APOBEC1: variants seen among roughly 807,000 people sequenced by gnomAD.
APOBEC1 encodes apolipoprotein B mRNA editing enzyme catalytic subunit 1.
A neutral mutation model predicts 26.3 loss-of-function variants in APOBEC1; 22 were observed. That is an observed-to-expected ratio of 0.84 (90% CI 0.60 to 1.19). The LOEUF (loss-of-function observed/expected upper bound fraction) is 1.19, where lower values mean the gene tolerates loss of function less well. Among genes scored for constraint, APOBEC1 ranks in the 50% most tolerant of loss-of-function variants. APOBEC1 has a pLI of 0.00. For synonymous variants in APOBEC1, 77 were observed against 95.3 expected (o/e 0.81, Z 1.12); for missense variants, 253 against 289.0 (o/e 0.88, Z 0.90).
intron 2 of APOBEC1, 27 bp downstream of exon 2, chr12:7,654,578 T>C (rs1158590906): frequency 1.2e-6 from 2 of 1,611,542 alleles, no homozygotes; most frequent in African/African-American, 1.3e-5. Flanking sequence ...TCAAATTAAA[T>C]GGGCACTGTG....
chr12:7,652,909 C>T, intron 2 of APOBEC1, 74 bp from the exon 3 acceptor site: 1 of 1,114,180 alleles, frequency 9.0e-7, no homozygotes, highest in Non-Finnish European at 1.1e-6. Context: ...CTGCTCCCCT[C>T]TTCTTTTTTT....
intron 1 of APOBEC1, among the ~76,000 whole-genome samples, chr12:7,655,419 G>T (rs1466046064): frequency 6.6e-6 from 1 of 152,044 alleles, no homozygotes; most frequent in Non-Finnish European, 1.5e-5. Flanking sequence ...GGAGGCTGAG[G>T]CAGGAGAATT....
intron 1 of APOBEC1, among the ~76,000 whole-genome samples, chr12:7,664,333 A>G (rs1863862939): frequency 6.6e-6 from 1 of 152,196 alleles, no homozygotes; most frequent in Non-Finnish European, 1.5e-5. Flanking sequence ...ATGTGTCTAA[A>G]GCACTATTTT....
chr12:7,664,570 C>T (rs11055100), intron 1 of APOBEC1, among the ~76,000 whole-genome samples: 57,565 of 151,796 alleles, frequency 0.38, 12,357 homozygotes, highest in Non-Finnish European at 0.5. Context: ...AAATTCTGTT[C>T]ATCAATAGGA....
At chr12:7,653,489 CTTT>C (rs57508175) in intron 2 of APOBEC1, among the ~76,000 whole-genome samples, 59,033 of 115,880 alleles carry the variant, frequency 0.51, 15,684 homozygotes, top group Middle Eastern at 0.64. Flanking sequence ...TATTCTAACC[CTTT>C]TTTTTTTTTT....
At chr12:7,655,863 G>A (rs181027489) in intron 1 of APOBEC1, among the ~76,000 whole-genome samples, 3 of 152,284 alleles carry the variant, frequency 2.0e-5, no homozygotes, top group Admixed American at 2.0e-4. Context: ...GCACACACCT[G>A]TGGCTACTTG....
At chr12:7,669,085 C>A (rs1201132633), upstream of APOBEC1, among the ~76,000 whole-genome samples, 2 of 152,158 alleles carry the variant, frequency 1.3e-5, no homozygotes, top group Non-Finnish European at 2.9e-5. Context: ...TAGTCCCAGG[C>A]AAATACTGCT....
At chr12:7,652,367 C>A in intron 3 of APOBEC1, 71 bp downstream of exon 3, 1 of 1,412,404 alleles carries the variant, frequency 7.1e-7, no homozygotes, top group African/African-American at 1.4e-5. Flanking sequence ...AACCAATCTT[C>A]TGGCCTAAAA....
At chr12:7,663,686 C>T (rs1380558964) in intron 1 of APOBEC1, among the ~76,000 whole-genome samples, 1 of 152,106 alleles carries the variant, frequency 6.6e-6, no homozygotes, top group Non-Finnish European at 1.5e-5. Context: ...GCTGTGTCTA[C>T]ACTGATCAAT....
chr12:7,660,370 A>C (rs1863793358), intron 1 of APOBEC1, among the ~76,000 whole-genome samples: 1 of 101,246 alleles, frequency 9.9e-6, no homozygotes, highest in African/African-American at 4.1e-5. Flanking sequence ...GAAGGAAGGA[A>C]GGAAGGAAAG....
chr12:7,667,483 C>G (rs1863908520), upstream of APOBEC1, among the ~76,000 whole-genome samples: 1 of 152,106 alleles, frequency 6.6e-6, no homozygotes, highest in Non-Finnish European at 1.5e-5. Context: ...CAACCTGGAG[C>G]CTCCATGAGA....
At chr12:7,669,447 G>T (rs753787719), upstream of APOBEC1, among the ~76,000 whole-genome samples, 3 of 152,252 alleles carry the variant, frequency 2.0e-5, no homozygotes, top group South Asian at 6.2e-4. Flanking sequence ...GAATAAAGCT[G>T]CTGTGAACAT....
upstream of APOBEC1, among the ~76,000 whole-genome samples, chr12:7,669,461 T>C (rs1436240249): frequency 1.3e-5 from 2 of 152,242 alleles, no homozygotes; most frequent in Admixed American, 1.3e-4. Context: ...TGAACATTTG[T>C]ATACAATTCT....
At chr12:7,656,915 G>A (rs894460254) in intron 1 of APOBEC1, among the ~76,000 whole-genome samples, 1 of 152,130 alleles carries the variant, frequency 6.6e-6, no homozygotes, top group African/African-American at 2.4e-5. Context: ...TTTTGAGGAG[G>A]TGAGAGCCTC....
At chr12:7,650,697 G>C (rs868545062) in intron 4 of APOBEC1, among the ~76,000 whole-genome samples, 1 of 152,312 alleles carries the variant, frequency 6.6e-6, no homozygotes, top group Non-Finnish European at 1.5e-5. Flanking sequence ...GCCTTCCAAA[G>C]TGCTTGGATT....
At chr12:7,661,659 A>C (rs1937379937) in intron 1 of APOBEC1, among the ~76,000 whole-genome samples, 1 of 152,198 alleles carries the variant, frequency 6.6e-6, no homozygotes, top group South Asian at 2.1e-4. Context: ...GAACCAGCAA[A>C]AAAGGACCAG....
At chr12:7,662,518 G>A (rs1373362173) in intron 1 of APOBEC1, among the ~76,000 whole-genome samples, 1 of 152,204 alleles carries the variant, frequency 6.6e-6, no homozygotes, top group Admixed American at 6.5e-5. Flanking sequence ...GGGAGGTGGA[G>A]GTTACAGTAA....
intron 1 of APOBEC1, among the ~76,000 whole-genome samples, chr12:7,657,665 G>C (rs748681351): frequency 6.6e-6 from 1 of 152,158 alleles, no homozygotes; most frequent in East Asian, 1.9e-4. Flanking sequence ...TTAAGCCTAA[G>C]ATATCAAGGC....
At chr12:7,649,993 T>G (rs1779602003) in intron 4 of APOBEC1, among the ~76,000 whole-genome samples, 1 of 151,964 alleles carries the variant, frequency 6.6e-6, no homozygotes, top group Non-Finnish European at 1.5e-5. Context: ...TTTTTTTGTG[T>G]TTTTGTTGAG....
Sources: allele counts gnomAD v4.1 joint callset (sites outside exome capture counted in the v4.1 genomes callset), GRCh38; gene constraint gnomAD v4.1.1; transcripts MANE v1.5; gene names NCBI Gene and HGNC (gene_info 2026-07-23, HGNC 2026-07-21).